Variants in RGS7 observed in about 807,000 individuals in gnomAD.
RGS7 encodes regulator of G protein signaling 7, also known as regulator of G-protein signaling 7.
In RGS7, 27 loss-of-function variants were observed where a neutral mutation model predicts 81.1. The observed-to-expected ratio is 0.33, with a 90% CI of 0.25 to 0.46. The LOEUF is 0.46. Among genes scored for constraint, RGS7 ranks in the 20% least tolerant of loss-of-function variants. RGS7 has a pLI of 1.00. For synonymous variants in RGS7, 208 were observed against 207.7 expected (o/e 1.00, Z -0.01); for missense variants, 396 against 607.4 (o/e 0.65, Z 3.66).
At chr1:241,174,718 C>G (rs980023814) in intron 2 of RGS7, among the ~76,000 whole-genome samples, 6 of 152,070 alleles carry the variant, frequency 3.9e-5, no homozygotes, top group Admixed American at 1.3e-4. Flanking sequence ...AAGTACGTAT[C>G]TGGGGACAAC....
At chr1:241,086,616 C>G (rs964559333) in intron 3 of RGS7, among the ~76,000 whole-genome samples, 1 of 151,910 alleles carries the variant, frequency 6.6e-6, no homozygotes, top group African/African-American at 2.4e-5. Flanking sequence ...TACATTTCCC[C>G]CCACCCAGAG....
intron 2 of RGS7, among the ~76,000 whole-genome samples, chr1:241,186,194 A>C (rs2072083038): frequency 1.3e-5 from 2 of 152,110 alleles, no homozygotes; most frequent in South Asian, 4.1e-4. Flanking sequence ...CACAAACTAG[A>C]TACTTAACCA....
At chr1:240,821,278 C>A (rs373725612) in intron 10 of RGS7, among the ~76,000 whole-genome samples, 49 of 152,182 alleles carry the variant, frequency 3.2e-4, no homozygotes, top group African/African-American at 1.1e-3. Context: ...CATGGTGAAA[C>A]CCCATCTCTA....
At chr1:240,872,352 G>A (rs1664644087) in intron 6 of RGS7, among the ~76,000 whole-genome samples, 1 of 152,138 alleles carries the variant, frequency 6.6e-6, no homozygotes, top group Admixed American at 6.6e-5. Flanking sequence ...AGCTACACTT[G>A]GGAGGCTGAG....
chr1:241,219,363 T>C (rs185859945), intron 2 of RGS7, among the ~76,000 whole-genome samples: 2 of 152,214 alleles, frequency 1.3e-5, no homozygotes, highest in Non-Finnish European at 1.5e-5. Flanking sequence ...AGACGTGACG[T>C]GATCCTCCTT....
intron 2 of RGS7, among the ~76,000 whole-genome samples, chr1:241,273,492 T>G (rs1428954267): frequency 6.6e-6 from 1 of 152,098 alleles, no homozygotes; most frequent in Non-Finnish European, 1.5e-5. Context: ...TTTGTTCATT[T>G]GTTTGTTTTG....
rs1019508792 is a variant in RGS7 at position 241,304,027 on chromosome 1, T to A, written c.78+51672A>T. On this transcript the variant is annotated intron_variant, in intron 2 of 18. Transcript: ENST00000440928. ...TATTTTGCATTCTATCACTTATTCT[T>A]CATTTACTATTTTAAATACATCTAT... Among the ~76,000 whole-genome samples the A allele has an allele frequency of 9.9e-5, 15 of 152,240 alleles. 1 individual carries two copies. Among genetic ancestry groups the A allele is most frequent in the Admixed American group, 8.5e-4 (13 of 15,284 alleles).
chr1:240,895,877 T>C (rs1225734992), intron 6 of RGS7, among the ~76,000 whole-genome samples: 1 of 152,206 alleles, frequency 6.6e-6, no homozygotes, highest in Admixed American at 6.5e-5. Flanking sequence ...TCTTCCACAA[T>C]GGTTGACCTA....
chr1:241,016,717 T>C (rs971234793), intron 3 of RGS7, among the ~76,000 whole-genome samples: 3 of 152,074 alleles, frequency 2.0e-5, no homozygotes, highest in Admixed American at 2.0e-4. Context: ...TTTATCAGAG[T>C]CTAAATTTGA....
At chr1:241,285,797 A>G (rs540161685) in intron 2 of RGS7, among the ~76,000 whole-genome samples, 1 of 152,302 alleles carries the variant, frequency 6.6e-6, no homozygotes, top group East Asian at 1.9e-4. Context: ...TTATTGTACA[A>G]TAGTTGAGAG....
rs4660058 is a variant in RGS7, at chr1:241,271,035, G to A, written c.78+84664C>T. Among the ~76,000 whole-genome samples the A allele has an allele frequency of 0.1, 15,475 of 152,122 alleles. 1,070 individuals are homozygous for A. The highest frequency in any genetic ancestry group is 0.31 in the East Asian group (1,584 of 5,156). On this transcript the variant is annotated intron_variant, in intron 2 of 18. Transcript: ENST00000440928. This position sits in a 1 kb window ranked among gnomAD's most constrained non-coding sequence, Gnocchi z 4.6. ...GCCTCCCAAAGTGCTGGGATTCCAG[G>A]TCCCATCCCTTTTAATTTCTGCACG... is the stretch of plus-strand genomic sequence containing the variant.
At chr1:241,120,411 T>C (rs10127501) in intron 2 of RGS7, among the ~76,000 whole-genome samples, 13 of 152,308 alleles carry the variant, frequency 8.5e-5, no homozygotes, top group East Asian at 3.9e-4. Flanking sequence ...GCAGTGGCAC[T>C]ATCACAGTTC....
chr1:241,023,767 T>C (rs183062324), intron 3 of RGS7, among the ~76,000 whole-genome samples: 1 of 152,278 alleles, frequency 6.6e-6, no homozygotes, highest in Admixed American at 6.5e-5. Flanking sequence ...TTGATCAAGA[T>C]GTAGTTTCAC....
intron 3 of RGS7, among the ~76,000 whole-genome samples, chr1:240,992,114 A>C (rs1313945104): frequency 6.6e-6 from 1 of 152,222 alleles, no homozygotes; most frequent in Non-Finnish European, 1.5e-5. Flanking sequence ...GAGGTGGATG[A>C]GGCAGAAGGT....
rs1200662588 is a variant in RGS7 at position 241,134,913 on chromosome 1, GCCGGCCGGAAGACACCTACC to G, written c.79-36171_79-36152del. On this transcript the variant is annotated intron_variant, in intron 2 of 18. Coordinates refer to ENST00000440928, the MANE Select transcript of RGS7 (RefSeq NM_001364886.1). ...GCAAGACAGCGGAAGCAGGACGACA[GCCGGCCGGAAGACACCTACC>G]CCGGCCGGAAGACACCTACCCTGGC... Among the ~76,000 whole-genome samples the G allele has an allele frequency of 6.0e-5, 9 of 151,174 alleles. No individual in the cohort carries two copies. The South Asian group carries it at 6.2e-4, about 10-fold the overall frequency.
intron 2 of RGS7, among the ~76,000 whole-genome samples, chr1:241,221,057 AAGAGAG>A (rs1169899552): frequency 1.6e-5 from 2 of 125,630 alleles, no homozygotes; most frequent in African/African-American, 5.7e-5. Context: ...GAAAGAAAGA[AAGAGAG>A]AGAGAGAGAA....
intron 3 of RGS7, among the ~76,000 whole-genome samples, chr1:241,051,731 T>A (rs1198161490): frequency 6.6e-6 from 1 of 152,212 alleles, no homozygotes; most frequent in Admixed American, 6.5e-5. Flanking sequence ...GATGCATGCA[T>A]TTGCTTGCAT....
In RGS7 at chr1:241,083,254, G is replaced by GAAACAAAACAAAACA. The variant is rs149562159; in HGVS notation, c.175+15397_175+15411dup. Among the ~76,000 whole-genome samples, 855 of 142,124 alleles carry GAAACAAAACAAAACA rather than the reference G, an allele frequency of 6.0e-3. 8 individuals are homozygous for GAAACAAAACAAAACA. The highest frequency in any genetic ancestry group is 0.02 in the African/African-American group (778 of 38,260). The allele number at this position is 142,124 out of a possible 152,430, so 93.2% of individuals were successfully genotyped here. ...AAAAAAAAAAAAAGAAAAAGAAAAAGAAACAAAACAAAACAAAACAAAACA... is the reference window on the plus strand; with the variant it reads ...AAAAAAAAAAAAAGAAAAAGAAAAAGAAACAAAACAAAACAAAACAAAACAAAACAAAACAAAACA... On this transcript the variant is annotated intron_variant, in intron 3 of 18. Coordinates refer to ENST00000440928, the MANE Select transcript of RGS7 (RefSeq NM_001364886.1).
At chr1:241,265,357 G>A (rs7511717) in intron 2 of RGS7, among the ~76,000 whole-genome samples, 43,692 of 152,170 alleles carry the variant, frequency 0.29, 6,500 homozygotes, top group African/African-American at 0.35. Flanking sequence ...CTTGACACAC[G>A]CAGTTGATTC....
Sources: allele counts gnomAD v4.1 joint callset (sites outside exome capture counted in the v4.1 genomes callset), GRCh38; gene constraint gnomAD v4.1.1; non-coding constraint Gnocchi (gnomAD v3.1); transcripts MANE v1.5; gene names NCBI Gene and HGNC (gene_info 2026-07-23, HGNC 2026-07-21).